Variants in TMEM200A observed in about 807,000 individuals in gnomAD.
TMEM200A encodes transmembrane protein 200A, also known as two transmembrane C.
A neutral mutation model predicts 24.3 loss-of-function variants in TMEM200A; 12 were observed. The ratio of observed to expected loss-of-function variants is 0.49; its 90% CI spans 0.32 to 0.80. TMEM200A has a LOEUF of 0.80. Ranked by LOEUF, TMEM200A falls within the 30% of genes least tolerant of loss-of-function variation. The pLI, the probability that TMEM200A is intolerant of heterozygous loss-of-function variation, is 0.04. For synonymous variants in TMEM200A, 224 were observed against 224.4 expected (o/e 1.00, Z 0.02); for missense variants, 545 against 614.4 (o/e 0.89, Z 1.19).
chr6:130,409,189 A>G (rs1779277502), intron 2 of TMEM200A, among the ~76,000 whole-genome samples: 1 of 151,914 alleles, frequency 6.6e-6, no homozygotes, highest in South Asian at 2.1e-4. Flanking sequence ...TTTATCTGTC[A>G]CAGGTGTTTT....
At chr6:130,400,240 C>T (rs1313703805) in intron 2 of TMEM200A, among the ~76,000 whole-genome samples, 2 of 151,966 alleles carry the variant, frequency 1.3e-5, no homozygotes, top group Middle Eastern at 3.2e-3. Flanking sequence ...CGAATAATGA[C>T]TTCTTTTCCT....
intron 2 of TMEM200A, chr6:130,438,264 T>G (rs1368138476): frequency 6.6e-6 from 1 of 152,224 alleles, no homozygotes; most frequent in Non-Finnish European, 1.5e-5. Context: ...ATTTTAATCC[T>G]AGTTATAATT....
At chr6:130,378,512 A>G (rs1778517899) in intron 1 of TMEM200A, among the ~76,000 whole-genome samples, 3 of 152,028 alleles carry the variant, frequency 2.0e-5, no homozygotes, top group Admixed American at 1.3e-4. Context: ...TCACGAGGTC[A>G]GGAGATCGAG....
intron 1 of TMEM200A, among the ~76,000 whole-genome samples, chr6:130,374,016 T>C (rs1778381303): frequency 8.4e-6 from 1 of 119,398 alleles, no homozygotes; most frequent in Non-Finnish European, 1.6e-5. Flanking sequence ...TCATTTCACT[T>C]TTAAAAATTT....
intron 2 of TMEM200A, among the ~76,000 whole-genome samples, chr6:130,416,059 C>A (rs1779441684): frequency 6.6e-6 from 1 of 151,840 alleles, no homozygotes; most frequent in Non-Finnish European, 1.5e-5. Flanking sequence ...CAGGCTTTTT[C>A]TTGTTGTTTT....
At chr6:130,399,042 T>G (rs1211498099) in intron 2 of TMEM200A, among the ~76,000 whole-genome samples, 1 of 152,082 alleles carries the variant, frequency 6.6e-6, no homozygotes, top group Non-Finnish European at 1.5e-5. Flanking sequence ...CCGACTTCAA[T>G]GATAGTTTAG....
chr6:130,401,983 C>T lies in TMEM200A; in HGVS notation c.-17+16747C>T, dbSNP rs779354890. Among the ~76,000 whole-genome samples the T allele has an allele frequency of 1.1e-3, 170 of 151,528 alleles. 1 individual carries two copies. The highest frequency in any genetic ancestry group is 3.4e-3 in the Admixed American group (52 of 15,196). On this transcript the variant is annotated intron_variant, in intron 2 of 2. Coordinates refer to ENST00000296978, the MANE Select transcript of TMEM200A (RefSeq NM_001258277.2). Reference sequence around the variant, plus strand: ...TGTACCTTTGTCTGACATGCAGTTTCTTTCTGTTTGCTGTTTGTGCCCTAA... The same window carrying T: ...TGTACCTTTGTCTGACATGCAGTTTTTTTCTGTTTGCTGTTTGTGCCCTAA...
intron 2 of TMEM200A, among the ~76,000 whole-genome samples, chr6:130,400,085 T>C (rs1223967172): frequency 6.6e-6 from 1 of 151,642 alleles, no homozygotes; most frequent in African/African-American, 2.4e-5. Flanking sequence ...TATGTATATG[T>C]ACAGATATAC....
intron 2 of TMEM200A, among the ~76,000 whole-genome samples, chr6:130,408,076 G>C (rs571672206): frequency 1.3e-5 from 2 of 152,276 alleles, no homozygotes; most frequent in South Asian, 2.1e-4. Flanking sequence ...GAGCAGTCTG[G>C]AGGCAGATAT....
At chr6:130,432,287 T>C (rs941576103) in intron 2 of TMEM200A, among the ~76,000 whole-genome samples, 1 of 152,218 alleles carries the variant, frequency 6.6e-6, no homozygotes, top group African/African-American at 2.4e-5. Context: ...ACTAAAAACA[T>C]CAGATGAACG....
upstream of TMEM200A, chr6:130,365,733 C>G: frequency 1.0e-6 from 1 of 985,512 alleles, no homozygotes; most frequent in Non-Finnish European, 1.2e-6. Flanking sequence ...GTACTTTGTT[C>G]CCAAAGATGG....
At chr6:130,373,742 G>A (rs78261140) in intron 1 of TMEM200A, among the ~76,000 whole-genome samples, 2,361 of 151,976 alleles carry the variant, frequency 0.016, 33 homozygotes, top group South Asian at 0.063. Context: ...AAAAAGATTC[G>A]TGGAACGATA....
chr6:130,401,532 T>C (rs986103053), intron 2 of TMEM200A, among the ~76,000 whole-genome samples: 1 of 151,786 alleles, frequency 6.6e-6, no homozygotes, highest in Non-Finnish European at 1.5e-5. Flanking sequence ...TTTTGTCTTT[T>C]CTTTTGTCTT....
At chr6:130,413,775 AG>A (rs1270734098) in intron 2 of TMEM200A, among the ~76,000 whole-genome samples, 4 of 152,188 alleles carry the variant, frequency 2.6e-5, no homozygotes, top group Non-Finnish European at 5.9e-5. Context: ...CTTTTTATCT[AG>A]GCTGCATGAC....
intron 2 of TMEM200A, among the ~76,000 whole-genome samples, chr6:130,433,291 C>T (rs1779922806): frequency 6.6e-6 from 1 of 152,040 alleles, no homozygotes; most frequent in Non-Finnish European, 1.5e-5. Context: ...TGCCCACCAC[C>T]ATGCCCAACT....
At chr6:130,365,958 C>T (rs1778128703), upstream of TMEM200A, 1 of 973,684 alleles carries the variant, frequency 1.0e-6, no homozygotes. Flanking sequence ...TCCGCCCCGG[C>T]CCCCGCCCCC....
At chr6:130,398,674 A>T (rs1298175866) in intron 2 of TMEM200A, among the ~76,000 whole-genome samples, 1 of 152,036 alleles carries the variant, frequency 6.6e-6, no homozygotes, top group Admixed American at 6.6e-5. Flanking sequence ...AGTAATGGCC[A>T]TTCTGACTGG....
chr6:130,401,071 C>T (rs1296104115), intron 2 of TMEM200A, among the ~76,000 whole-genome samples: 1 of 152,012 alleles, frequency 6.6e-6, no homozygotes, highest in Non-Finnish European at 1.5e-5. Context: ...GGGGATGTCT[C>T]TTTTCTTCAT....
At position 130,366,510 on chromosome 6, in the gene TMEM200A, C is replaced by T. The variant is rs1254340942; in HGVS notation, c.-95C>T. 6 of 982,672 alleles carry T rather than the reference C, an allele frequency of 6.1e-6. No homozygotes were observed. Among genetic ancestry groups the T allele is most frequent in the Admixed American group, 6.2e-5 (1 of 16,010 alleles). The allele number at this position is 982,672 out of a possible 1,614,324, so 60.9% of individuals were successfully genotyped here. A position where few individuals can be genotyped will look rare whatever the true frequency, so the allele number is the denominator to read the frequency against. On this transcript the variant is annotated 5_prime_UTR_variant, in exon 1 of 3. Transcript: ENST00000296978. This position sits in a 1 kb window ranked among gnomAD's most constrained non-coding sequence, Gnocchi z 4.4. ...GAGAGGCGACCCGACCCCCAGGGCC[C>T]GGTGCTCAGGACAGGTGAGGGGAAG...
Sources: gnomAD v4.1 joint callset for allele counts (sites outside exome capture counted in the v4.1 genomes callset) on GRCh38, gnomAD v4.1.1 for gene constraint, Gnocchi (gnomAD v3.1) non-coding constraint, MANE v1.5 for transcripts, NCBI Gene and HGNC (gene_info 2026-07-23, HGNC 2026-07-21) for gene names.